KCTD1: variants seen among roughly 807,000 people sequenced by gnomAD.
The protein encoded by KCTD1 is potassium channel tetramerization domain containing 1.
A neutral mutation model predicts 66.0 loss-of-function variants in KCTD1; 24 were observed. That is an observed-to-expected ratio of 0.36 (90% CI 0.26 to 0.51). The LOEUF (loss-of-function observed/expected upper bound fraction) is 0.51, where lower values mean the gene tolerates loss of function less well. Ranked by LOEUF, KCTD1 falls within the 20% of genes least tolerant of loss-of-function variation. KCTD1 has a pLI of 0.95. For missense variants in KCTD1, 943 were observed against 1,205.2 expected (o/e 0.78, Z 3.22); for synonymous variants, 511 against 517.2 (o/e 0.99, Z 0.16).
At chr18:26,634,165 T>G (rs1987675833), upstream of KCTD1, among the ~76,000 whole-genome samples, 1 of 152,174 alleles carries the variant, frequency 6.6e-6, no homozygotes, top group Non-Finnish European at 1.5e-5. Flanking sequence ...TATAGCATTA[T>G]TCAGGGTGGC....
chr18:26,573,796 A>G (rs1306894616), intron 1 of KCTD1, among the ~76,000 whole-genome samples: 1 of 152,246 alleles, frequency 6.6e-6, no homozygotes, highest in Non-Finnish European at 1.5e-5. Context: ...TTTCAATTCA[A>G]TATGTAAAAC....
chr18:26,656,870 A>G (rs1408803983), intron 1 of KCTD1, among the ~76,000 whole-genome samples: 1 of 86,924 alleles, frequency 1.2e-5, no homozygotes, highest in African/African-American at 4.4e-5. Context: ...CGGGGAAGAA[A>G]GGGACGCGCG....
intron 1 of KCTD1, among the ~76,000 whole-genome samples, chr18:26,504,563 GGGTCTCACTGTGTT>G (rs1290418512): frequency 2.6e-5 from 4 of 152,058 alleles, no homozygotes; most frequent in Non-Finnish European, 5.9e-5. Flanking sequence ...TTAGAGACAA[GGGTCTCACTGTGTT>G]GCCCAGGCTG....
Position 26,547,982 on chromosome 18 carries a change from C to G in KCTD1, c.555G>C (p.Glu185Asp), listed in dbSNP as rs574224546. The part of the protein sequence containing the change: ...ATRYAVRIFR[E>D]YLSEKAQSPD... ...GGCTCTGCGCCTTCTCGCTCAGGTACTCCCGGAAGATGCGCACGGCGTAGC... is the reference window on the plus strand; with the variant it reads ...GGCTCTGCGCCTTCTCGCTCAGGTAGTCCCGGAAGATGCGCACGGCGTAGC... Residue 185 changes from glutamate to aspartate, a missense_variant, in exon 1 of 5, where the codon GAG (glutamate) becomes GAC (aspartate). Coordinates refer to ENST00000580059, the MANE Select transcript of KCTD1 (RefSeq NM_001142730.3). The G allele has an allele frequency of 1.8e-4, 277 of 1,538,796 alleles. 1 individual carries two copies. The East Asian group carries it at 6.6e-3, about 37-fold the overall frequency.
upstream of KCTD1, chr18:26,549,789 G>C: frequency 1.0e-6 from 1 of 984,820 alleles, no homozygotes; most frequent in Non-Finnish European, 1.2e-6. Flanking sequence ...GGCGCGCGGG[G>C]GCGGGCACCT....
chr18:26,470,203 G>A (rs1221021052), intron 3 of KCTD1, among the ~76,000 whole-genome samples: 6 of 152,030 alleles, frequency 3.9e-5, no homozygotes, highest in African/African-American at 1.4e-4. Flanking sequence ...AGATGCTGCT[G>A]GCTAGCTTCC....
rs116691865 is a variant in KCTD1, at chr18:26,497,375, G to A, written c.1988+3697C>T. Among the ~76,000 whole-genome samples, 384 of 152,150 alleles carry A rather than the reference G, an allele frequency of 2.5e-3. 2 individuals carry two copies. Among genetic ancestry groups the A allele is most frequent in the African/African-American group, 8.7e-3 (360 of 41,506 alleles). On this transcript the variant is annotated intron_variant, in intron 2 of 4. Transcript: ENST00000580059. ...AGAGAATGGTCCCATAGGGTAGGAA[G>A]GGTTTGAAGCACCCCAGAATCTACA...
intron 2 of KCTD1, among the ~76,000 whole-genome samples, chr18:26,493,566 ATT>A (rs1982317779): frequency 1.3e-5 from 2 of 152,060 alleles, no homozygotes; most frequent in African/African-American, 4.8e-5. Context: ...TTTTTTGAAA[ATT>A]TTTGTGTGTA....
chr18:26,594,277 C>G (rs1986716218), intron 1 of KCTD1, among the ~76,000 whole-genome samples: 1 of 152,144 alleles, frequency 6.6e-6, no homozygotes, highest in East Asian at 1.9e-4. Context: ...AGGAAGATCA[C>G]TTGTCTGCAA....
chr18:26,609,888 T>G (rs28691214), intron 1 of KCTD1, among the ~76,000 whole-genome samples: 4,531 of 152,340 alleles, frequency 0.03, 106 homozygotes, highest in African/African-American at 0.072. Flanking sequence ...ATTTCTGCCA[T>G]AAAACACATA....
intron 1 of KCTD1, among the ~76,000 whole-genome samples, chr18:26,531,015 G>A (rs62087056): frequency 0.11 from 17,233 of 152,218 alleles, 1,190 homozygotes; most frequent in Non-Finnish European, 0.15. Flanking sequence ...CACTGTGGCA[G>A]GCATGGGGAA....
At chr18:26,638,381 C>T (rs117719338) in intron 1 of KCTD1, among the ~76,000 whole-genome samples, 2,110 of 152,244 alleles carry the variant, frequency 0.014, 32 homozygotes, top group Middle Eastern at 0.024. Context: ...CAAAACTATT[C>T]CAGGCCTAAG....
chr18:26,560,299 A>T (rs931150274), intron 1 of KCTD1, among the ~76,000 whole-genome samples: 1 of 152,162 alleles, frequency 6.6e-6, no homozygotes, highest in Non-Finnish European at 1.5e-5. Context: ...AGATTTGTTA[A>T]AATAAAAGCT....
At chr18:26,513,476 C>G (rs563318187) in intron 1 of KCTD1, among the ~76,000 whole-genome samples, 2 of 152,244 alleles carry the variant, frequency 1.3e-5, no homozygotes, top group South Asian at 4.1e-4. Context: ...CCCCAATTAC[C>G]TTTTAAAGAG....
intron 1 of KCTD1, among the ~76,000 whole-genome samples, chr18:26,595,451 C>G (rs770928562): frequency 2.0e-5 from 3 of 152,132 alleles, no homozygotes; most frequent in Non-Finnish European, 2.9e-5. Context: ...GGCTTTGGCA[C>G]GTGACTATAT....
intron 1 of KCTD1, among the ~76,000 whole-genome samples, chr18:26,594,186 T>C (rs182642816): frequency 1.4e-3 from 207 of 152,300 alleles, no homozygotes; most frequent in African/African-American, 4.5e-3. Flanking sequence ...GGGTTGCTCC[T>C]TCCTCCTCCT....
intron 1 of KCTD1, among the ~76,000 whole-genome samples, chr18:26,625,220 CT>C (rs1987473082): frequency 1.3e-5 from 2 of 152,102 alleles, no homozygotes; most frequent in African/African-American, 4.8e-5. Context: ...TGAATTAAGA[CT>C]TTGGAGGACT....
chr18:26,479,385 C>CCG (rs367712317), intron 2 of KCTD1, among the ~76,000 whole-genome samples: 2,558 of 152,336 alleles, frequency 0.017, 35 homozygotes, highest in Middle Eastern at 0.068. Context: ...GGCCCTGTCT[C>CCG]GGGGGCCCCC....
intron 1 of KCTD1, among the ~76,000 whole-genome samples, chr18:26,597,120 G>A (rs1479697295): frequency 6.6e-6 from 1 of 152,146 alleles, no homozygotes; most frequent in Non-Finnish European, 1.5e-5. Flanking sequence ...CCCATGGGGT[G>A]AGGAGGACCT....
Sources: gnomAD v4.1 joint callset for allele counts (sites outside exome capture counted in the v4.1 genomes callset) on GRCh38, gnomAD v4.1.1 for gene constraint, MANE v1.5 for transcripts, NCBI Gene and HGNC (gene_info 2026-07-23, HGNC 2026-07-21) for gene names.